The following GPC6 variants were observed in gnomAD, a reference collection of about 807,000 sequenced individuals.
GPC6 encodes the protein glypican-6.
Under a neutral mutation model 55.2 loss-of-function variants are expected in GPC6, and 14 were observed. The ratio of observed to expected loss-of-function variants is 0.25; its 90% CI spans 0.17 to 0.40. The LOEUF is 0.40. Among genes scored for constraint, GPC6 ranks in the 10% least tolerant of loss-of-function variants. GPC6 has a pLI of 1.00. For missense variants in GPC6, 641 were observed against 708.5 expected, an observed-to-expected ratio of 0.90 and a Z score of 1.08; for synonymous variants, 278 against 259.6, an observed-to-expected ratio of 1.07 and a Z score of -0.68.
chr13:93,819,028 C>G (rs1431956167), intron 2 of GPC6, among the ~76,000 whole-genome samples: 1 of 152,108 alleles, frequency 6.6e-6, no homozygotes, highest in African/African-American at 2.4e-5. Context: ...ATACTGGTAC[C>G]TGGATCCCAC....
chr13:94,019,526 T>G (rs1419819691), intron 3 of GPC6, among the ~76,000 whole-genome samples: 1 of 152,026 alleles, frequency 6.6e-6, no homozygotes, highest in Non-Finnish European at 1.5e-5. Context: ...TTCTGGCGGG[T>G]GGTTGCCAGT....
chr13:93,606,103 G>C (rs1287065100), intron 2 of GPC6, among the ~76,000 whole-genome samples: 2 of 152,192 alleles, frequency 1.3e-5, no homozygotes, highest in South Asian at 2.1e-4. Context: ...TTAGATCATA[G>C]GAAGTCAAGT....
chr13:93,727,792 C>T (rs1208609460), intron 2 of GPC6, among the ~76,000 whole-genome samples: 1 of 152,104 alleles, frequency 6.6e-6, no homozygotes, highest in African/African-American at 2.4e-5. Context: ...TGAGGCCCTC[C>T]TTGGTCTTCT....
intron 1 of GPC6, among the ~76,000 whole-genome samples, chr13:93,509,931 G>T (rs760722425): frequency 6.6e-5 from 10 of 152,174 alleles, no homozygotes; most frequent in Non-Finnish European, 1.2e-4. Context: ...AGATTTCTCA[G>T]ATACCTAGCA....
chr13:93,821,972 T>C (rs886066036), intron 2 of GPC6, among the ~76,000 whole-genome samples: 2 of 152,000 alleles, frequency 1.3e-5, no homozygotes, highest in Non-Finnish European at 2.9e-5. Context: ...TTGTCAGGGA[T>C]ATGTGAATGT....
intron 4 of GPC6, among the ~76,000 whole-genome samples, chr13:94,043,293 A>G (rs192352517): frequency 6.6e-6 from 1 of 152,054 alleles, no homozygotes; most frequent in East Asian, 1.9e-4. Flanking sequence ...TCCAAAATAC[A>G]CTAGGAAATA....
At chr13:93,730,355 T>C (rs1049100403) in intron 2 of GPC6, among the ~76,000 whole-genome samples, 29 of 152,160 alleles carry the variant, frequency 1.9e-4, no homozygotes, top group Non-Finnish European at 4.4e-5. Context: ...AAAATAACAA[T>C]TTGACCTTAA....
At chr13:93,429,275 GA>G (rs5805804) in intron 1 of GPC6, among the ~76,000 whole-genome samples, 36,772 of 150,950 alleles carry the variant, frequency 0.24, 4,434 homozygotes, top group Middle Eastern at 0.29. Flanking sequence ...CTCCTCAAAA[GA>G]AAAAAAAATC....
At chr13:93,393,127 T>TATAGAGAGAGAGAG (rs1230857277) in intron 1 of GPC6, among the ~76,000 whole-genome samples, 2 of 87,612 alleles carry the variant, frequency 2.3e-5, no homozygotes, top group African/African-American at 7.9e-5. Context: ...TATATATATA[T>TATAGAGAGAGAGAG]AGAGAGAGAG....
intron 2 of GPC6, among the ~76,000 whole-genome samples, chr13:93,667,282 A>G (rs1455285236): frequency 6.6e-6 from 1 of 152,108 alleles, no homozygotes; most frequent in Admixed American, 6.6e-5. Context: ...TTATTGCTAG[A>G]ATACTTCAAA....
intron 3 of GPC6, among the ~76,000 whole-genome samples, chr13:94,001,441 A>G (rs1169539424): frequency 6.6e-6 from 1 of 152,238 alleles, no homozygotes; most frequent in African/African-American, 2.4e-5. Flanking sequence ...TTTTAAAAAT[A>G]AATGATAGGT....
intron 1 of GPC6, among the ~76,000 whole-genome samples, chr13:93,308,156 G>A (rs1369528605): frequency 1.3e-5 from 2 of 152,062 alleles, no homozygotes; most frequent in African/African-American, 4.8e-5. Context: ...CTGGTGGCGG[G>A]CGCCTGCAGT....
chr13:93,544,995 A>C (rs1874700908), intron 1 of GPC6, among the ~76,000 whole-genome samples: 1 of 152,186 alleles, frequency 6.6e-6, no homozygotes. Context: ...AAAAGCCAGG[A>C]AAAAATGCCA....
intron 4 of GPC6, among the ~76,000 whole-genome samples, chr13:94,156,121 GA>G: frequency 6.6e-6 from 1 of 152,242 alleles, no homozygotes; most frequent in South Asian, 2.1e-4. Flanking sequence ...ACATACTTCA[GA>G]AAAACGGGAT....
intron 6 of GPC6, among the ~76,000 whole-genome samples, chr13:94,340,178 C>T (rs1313309408): frequency 6.6e-6 from 1 of 152,076 alleles, no homozygotes; most frequent in African/African-American, 2.4e-5. Context: ...TAAACGGCAA[C>T]TGGGAGAAAC....
chr13:93,940,492 A>G (rs7327560), intron 3 of GPC6, among the ~76,000 whole-genome samples: 128,572 of 151,746 alleles, frequency 0.85, 54,544 homozygotes, highest in South Asian at 0.9. Context: ...TAGACATAAT[A>G]AATCACATCT....
At chr13:93,497,807 A>C (rs9556302) in intron 1 of GPC6, among the ~76,000 whole-genome samples, 4,953 of 152,304 alleles carry the variant, frequency 0.033, 329 homozygotes, top group East Asian at 0.28. Context: ...ATGACAAATA[A>C]ATAAATCAAA....
the GPC6 span, among the ~76,000 whole-genome samples, chr13:93,218,171 A>T: frequency 8.1e-5 from 12 of 148,652 alleles, no homozygotes; most frequent in Non-Finnish European, 1.5e-4. Context: ...TTGCTTTCTC[A>T]CAAACATTTA....
chr13:94,321,113 T>C (rs375257268), intron 6 of GPC6, among the ~76,000 whole-genome samples: 1 of 152,158 alleles, frequency 6.6e-6, no homozygotes, highest in African/African-American at 2.4e-5. Context: ...TTCCTCTCTT[T>C]TGTGTCCATG....
Sources: allele counts gnomAD v4.1 joint callset (sites outside exome capture counted in the v4.1 genomes callset), GRCh38; gene constraint gnomAD v4.1.1; transcripts MANE v1.5; gene names NCBI Gene and HGNC (gene_info 2026-07-23, HGNC 2026-07-21).